SEMA6D: variants seen among roughly 807,000 people sequenced by gnomAD.
SEMA6D encodes semaphorin-6D.
A neutral mutation model predicts 106.6 loss-of-function variants in SEMA6D; 35 were observed. The ratio of observed to expected loss-of-function variants is 0.33; its 90% CI spans 0.25 to 0.44. The LOEUF is 0.44. SEMA6D is among the 20% of genes least tolerant of loss of function. The probability of loss-of-function intolerance (pLI) is 1.00; values close to 1 mark genes in which losing one functional copy is unlikely to be tolerated. For synonymous variants in SEMA6D, 499 were observed against 487.7 expected, an observed-to-expected ratio of 1.02 and a Z score of -0.31; for missense variants, 1,185 against 1,345.9, an observed-to-expected ratio of 0.88 and a Z score of 1.87.
At chr15:47,420,252 C>T (rs996959147) in intron 2 of SEMA6D, among the ~76,000 whole-genome samples, 1 of 152,030 alleles carries the variant, frequency 6.6e-6, no homozygotes, top group Non-Finnish European at 1.5e-5. Context: ...CTTCCTTCAA[C>T]AGTAGAACAT....
At chr15:47,471,931 T>TCTCACACACA (rs1555445502) in intron 3 of SEMA6D, among the ~76,000 whole-genome samples, 73 of 121,498 alleles carry the variant, frequency 6.0e-4, no homozygotes, top group East Asian at 3.0e-3. Flanking sequence ...TCTCTCTCTC[T>TCTCACACACA]CACACACACA....
intron 4 of SEMA6D, among the ~76,000 whole-genome samples, chr15:47,615,598 T>A (rs1431219390): frequency 6.6e-6 from 1 of 152,238 alleles, no homozygotes; most frequent in Non-Finnish European, 1.5e-5. Flanking sequence ...AAAAAAATCC[T>A]TATCAAAGAA....
chr15:47,679,786 A>T (rs898577866), intron 4 of SEMA6D, among the ~76,000 whole-genome samples: 3 of 152,196 alleles, frequency 2.0e-5, no homozygotes, highest in African/African-American at 7.2e-5. Flanking sequence ...TTCTGCAGAT[A>T]TGAAAGCATT....
In SEMA6D at chr15:47,772,390, G is replaced by GTGTA. The variant is rs2082669787; in HGVS notation, c.*606_*607insGTAT. ...TGTGTGTGTGTGTGTGTGTGTGTGT[G>GTGTA]TTCTGTACCCACTAGGATTTGTTTA... On this transcript the variant is annotated 3_prime_UTR_variant, in exon 19 of 19. Transcript: ENST00000536845. 6.6e-6 allele frequency: 1 copy of GTGTA among 152,288 alleles called. No homozygotes were observed. The highest frequency in any genetic ancestry group is 2.4e-5 in the African/African-American group (1 of 40,896). The allele number at this position is 152,288 out of a possible 1,614,324, so 9.4% of individuals were successfully genotyped here. A position where few individuals can be genotyped will look rare whatever the true frequency, so the allele number is the denominator to read the frequency against.
At chr15:47,229,293 A>G (rs780444107) in intron 1 of SEMA6D, among the ~76,000 whole-genome samples, 2 of 151,850 alleles carry the variant, frequency 1.3e-5, no homozygotes, top group African/African-American at 2.4e-5. Flanking sequence ...CTAATTAAAA[A>G]CACCCCAAGC....
At chr15:47,211,720 A>T (rs528779306) in intron 1 of SEMA6D, among the ~76,000 whole-genome samples, 1 of 152,296 alleles carries the variant, frequency 6.6e-6, no homozygotes, top group Non-Finnish European at 1.5e-5. Context: ...TTATAATCAC[A>T]ACTTAATATT....
chr15:47,345,756 A>G (rs590869), intron 1 of SEMA6D, among the ~76,000 whole-genome samples: 81,025 of 152,064 alleles, frequency 0.53, 24,719 homozygotes, highest in African/African-American at 0.85. Context: ...GTATTGCATG[A>G]TTATATTTCA....
At chr15:47,244,499 T>TC (rs1417268753) in intron 1 of SEMA6D, among the ~76,000 whole-genome samples, 1 of 152,156 alleles carries the variant, frequency 6.6e-6, no homozygotes, top group African/African-American at 2.4e-5. Flanking sequence ...CTCAGAACAA[T>TC]GTTGTGATAA....
chr15:47,662,227 C>T (rs1312855910), intron 4 of SEMA6D, among the ~76,000 whole-genome samples: 3 of 152,134 alleles, frequency 2.0e-5, no homozygotes, highest in Non-Finnish European at 2.9e-5. Context: ...CCCCTCACCC[C>T]CCACCCCAAC....
intron 1 of SEMA6D, among the ~76,000 whole-genome samples, chr15:47,263,635 C>T (rs2034180325): frequency 6.6e-6 from 1 of 151,818 alleles, no homozygotes; most frequent in Non-Finnish European, 1.5e-5. Flanking sequence ...GGAAGATAGT[C>T]AACCATTGAG....
chr15:47,765,249 G>A, intron 13 of SEMA6D, 193 bp downstream of exon 13: 1 of 1,363,888 alleles, frequency 7.3e-7, no homozygotes, highest in East Asian at 2.8e-5. Flanking sequence ...GGGGTGAATG[G>A]TTGATGAGTT....
At chr15:47,697,781 C>T (rs931915690) in intron 4 of SEMA6D, among the ~76,000 whole-genome samples, 1 of 152,238 alleles carries the variant, frequency 6.6e-6, no homozygotes, top group Non-Finnish European at 1.5e-5. Context: ...TGCGCCCCCA[C>T]TTCCCCCCGC....
At chr15:47,528,544 A>G (rs985872839) in intron 3 of SEMA6D, among the ~76,000 whole-genome samples, 1 of 152,148 alleles carries the variant, frequency 6.6e-6, no homozygotes, top group African/African-American at 2.4e-5. Context: ...TTTCAGCCTC[A>G]TACGTAATTG....
intron 3 of SEMA6D, among the ~76,000 whole-genome samples, chr15:47,599,822 CA>C (rs2076611084): frequency 6.6e-6 from 1 of 151,992 alleles, no homozygotes; most frequent in African/African-American, 2.4e-5. Context: ...CAATTTTGCC[CA>C]TTAAGAAAGA....
chr15:47,438,818 A>G (rs1300357480), intron 2 of SEMA6D, among the ~76,000 whole-genome samples: 2 of 151,890 alleles, frequency 1.3e-5, no homozygotes, highest in African/African-American at 4.8e-5. Context: ...TTTAAACTCC[A>G]TGCGGGAGAG....
intron 8 of SEMA6D, 137 bp downstream of exon 8, chr15:47,762,456 T>C: frequency 1.0e-6 from 1 of 967,480 alleles, no homozygotes; most frequent in Non-Finnish European, 1.5e-6. Flanking sequence ...GCTTTGATTG[T>C]GAACAGGAGC....
chr15:47,600,988 C>T (rs1317427028), intron 4 of SEMA6D: 3 of 152,066 alleles, frequency 2.0e-5, no homozygotes, highest in South Asian at 2.1e-4. Flanking sequence ...ATGAGTGAGA[C>T]GTTCAAATGG....
intron 1 of SEMA6D, among the ~76,000 whole-genome samples, chr15:47,732,786 C>G (rs964971121): frequency 6.6e-6 from 1 of 151,382 alleles, no homozygotes; most frequent in Non-Finnish European, 1.5e-5. Flanking sequence ...TTTGATTAGG[C>G]AATTAAAAAA....
chr15:47,460,089 G>T (rs757652740), intron 2 of SEMA6D, among the ~76,000 whole-genome samples: 1 of 151,942 alleles, frequency 6.6e-6, no homozygotes, highest in Non-Finnish European at 1.5e-5. Flanking sequence ...GCTAGGTGAG[G>T]TTAAAGTCAT....
Sources: gnomAD v4.1 joint callset for allele counts (sites outside exome capture counted in the v4.1 genomes callset) on GRCh38, gnomAD v4.1.1 for gene constraint, MANE v1.5 for transcripts, NCBI Gene and HGNC (gene_info 2026-07-23, HGNC 2026-07-21) for gene names.